Variants in TG observed in about 807,000 individuals in gnomAD.
TG encodes thyroid hormones.
In TG, 270 loss-of-function variants were observed where a neutral mutation model predicts 324.7. That is an observed-to-expected ratio of 0.83 (90% CI 0.75 to 0.92). The LOEUF (loss-of-function observed/expected upper bound fraction) is 0.92. Among genes scored for constraint, TG ranks in the 40% least tolerant of loss-of-function variants. The probability of loss-of-function intolerance (pLI) is 0.00; values close to 1 mark genes in which losing one functional copy is unlikely to be tolerated. For synonymous variants in TG, 1,401 were observed against 1,327.0 expected, an observed-to-expected ratio of 1.06 and a Z score of -1.21; for missense variants, 3,591 against 3,456.4, an observed-to-expected ratio of 1.04 and a Z score of -0.98.
chr8:132,921,200 T>C (rs1821061860), intron 21 of TG, among the ~76,000 whole-genome samples: 1 of 152,194 alleles, frequency 6.6e-6, no homozygotes, highest in Non-Finnish European at 1.5e-5. Context: ...GATTAGAGCT[T>C]CCATATATAA....
At chr8:133,026,823 G>A (rs1461443761) in intron 40 of TG, among the ~76,000 whole-genome samples, 2 of 152,192 alleles carry the variant, frequency 1.3e-5, no homozygotes, top group Non-Finnish European at 2.9e-5. Context: ...CTGGAGACAA[G>A]GACACACTGC....
Position 132,873,090 on chromosome 8 carries a change from T to A in TG, c.507T>A (p.Arg169=). Residue 169 remains arginine (R), a synonymous_variant, in exon 5 of 48, where the codon CGT becomes CGA. Coordinates refer to ENST00000220616, the MANE Select transcript of TG (RefSeq NM_003235.5). ...RCPRSCEIRN[R]RLLHGVGDKS... ...CAAGGAGCTGTGAAATAAGAAATCG[T>A]CGTCTTCTCCACGGGGTGGGAGATA... The A allele has an allele frequency of 3.1e-6, 5 of 1,614,210 alleles. No homozygotes were observed. Among genetic ancestry groups the A allele is most frequent in the Non-Finnish European group, 4.2e-6 (5 of 1,180,046 alleles).
chr8:132,912,398 T>C (rs1213365108), intron 19 of TG, among the ~76,000 whole-genome samples: 1 of 152,162 alleles, frequency 6.6e-6, no homozygotes, highest in Non-Finnish European at 1.5e-5. Context: ...TTGGAGACCA[T>C]GGGCTGGCTC....
At chr8:133,089,117 A>T (rs369112993) in intron 41 of TG, among the ~76,000 whole-genome samples, 2 of 152,246 alleles carry the variant, frequency 1.3e-5, no homozygotes, top group African/African-American at 4.8e-5. Flanking sequence ...TCTGGGTCAC[A>T]CACTACCCCT....
In TG at chr8:132,980,753, T is replaced by A. The variant is rs865947492; in HGVS notation, c.6200-2597T>A. Among the ~76,000 whole-genome samples, 219 of 152,058 alleles carry A rather than the reference T, an allele frequency of 1.4e-3. 3 individuals are homozygous for A. Among genetic ancestry groups the A allele is most frequent in the Middle Eastern group, 0.01 (3 of 294 alleles). On this transcript the variant is annotated intron_variant, in intron 34 of 47. Coordinates refer to ENST00000220616, the MANE Select transcript of TG (RefSeq NM_003235.5). ...TGTCTGGATTGAATTGAATCACTGG[T>A]CCAGAGGGTTGAAGAATTGGTTGGT...
chr8:133,049,904 A>G (rs779886476), intron 41 of TG: 3 of 1,599,998 alleles, frequency 1.9e-6, no homozygotes, highest in Non-Finnish European at 2.6e-6. Flanking sequence ...GTACTCACCC[A>G]TGGTAAACTC....
At chr8:132,899,216 T>A (rs933350150) in intron 14 of TG, among the ~76,000 whole-genome samples, 1 of 152,202 alleles carries the variant, frequency 6.6e-6, no homozygotes, top group Non-Finnish European at 1.5e-5. Flanking sequence ...AAACAAAACA[T>A]GCTATCATGT....
At chr8:132,986,410 G>GTA (rs149462241) in intron 35 of TG, among the ~76,000 whole-genome samples, 84,910 of 148,192 alleles carry the variant, frequency 0.57, 25,390 homozygotes, top group African/African-American at 0.72. Flanking sequence ...ATATGTATGT[G>GTA]TATATATATA....
At chr8:133,032,156 A>G (rs1468682325) in intron 41 of TG, among the ~76,000 whole-genome samples, 3 of 152,264 alleles carry the variant, frequency 2.0e-5, no homozygotes, top group Admixed American at 6.5e-5. Context: ...GGGAAGTTTC[A>G]GTTGTTGCTC....
At chr8:132,894,395 T>C (rs950291844) in intron 11 of TG, among the ~76,000 whole-genome samples, 34 of 152,032 alleles carry the variant, frequency 2.2e-4, no homozygotes, top group Middle Eastern at 7.0e-3. Flanking sequence ...ACTACCTGCA[T>C]GCGACAGAGG....
In TG at chr8:132,897,706, C is replaced by T; in HGVS notation, c.3059C>T (p.Ala1020Val). 1.2e-6 allele frequency: 2 copies of T among 1,614,222 alleles called. No homozygotes were observed. Among genetic ancestry groups the T allele is most frequent in the Non-Finnish European group, 8.5e-7 (1 of 1,180,038 alleles). ...FSPDDSAGAS[A>V]LLRSGPYMPQ... ...CCGGACGACTCGGCTGGAGCATCCGCCCTTCTGCGGTCGGGCCCCTACATG... is the reference window on the plus strand; with the variant it reads ...CCGGACGACTCGGCTGGAGCATCCGTCCTTCTGCGGTCGGGCCCCTACATG... The change falls in exon 12 of 48, where the codon GCC (alanine) becomes GTC (valine). Residue 1020 changes from alanine to valine, a missense_variant. Ala to Val is a moderately conservative substitution (Grantham distance 64). Coordinates refer to ENST00000220616, the MANE Select transcript of TG (RefSeq NM_003235.5).
At chr8:133,017,259 C>CT (rs1169038279) in intron 37 of TG, among the ~76,000 whole-genome samples, 2,616 of 136,832 alleles carry the variant, frequency 0.019, 27 homozygotes, top group African/African-American at 0.03. Flanking sequence ...TCCTAAAAGT[C>CT]TTTTTTTTTT....
At chr8:133,059,987 C>T (rs970876739) in intron 41 of TG, 1 of 1,071,410 alleles carries the variant, frequency 9.3e-7, no homozygotes, top group Non-Finnish European at 1.3e-6. Flanking sequence ...ATAATGAGCC[C>T]TTCGGTACCC....
chr8:133,034,793 G>GC (rs1386313440), intron 41 of TG, among the ~76,000 whole-genome samples: 6 of 152,200 alleles, frequency 3.9e-5, no homozygotes, highest in Middle Eastern at 3.4e-3. Flanking sequence ...TTGAGTTTGG[G>GC]CTGCCAGGGC....
intron 43 of TG, among the ~76,000 whole-genome samples, chr8:133,096,873 C>T (rs867323605): frequency 3.3e-5 from 5 of 152,238 alleles, no homozygotes; most frequent in Non-Finnish European, 5.9e-5. Flanking sequence ...GTGTGGCTTG[C>T]TGGAGGCACA....
chr8:132,868,448 C>T (rs907742531), intron 2 of TG, among the ~76,000 whole-genome samples: 1 of 151,864 alleles, frequency 6.6e-6, no homozygotes, highest in South Asian at 2.1e-4. Context: ...CAAGTGAACC[C>T]CAATCCATGC....
At chr8:132,870,427 T>C (rs1839379285) in intron 3 of TG, among the ~76,000 whole-genome samples, 2 of 148,924 alleles carry the variant, frequency 1.3e-5, no homozygotes, top group Admixed American at 1.4e-4. Flanking sequence ...TGTGTGAGCT[T>C]GGCTGAGTCA....
rs745433860 is a variant in TG, at chr8:132,908,188, C to A, written c.3850C>A (p.Pro1284Thr). 29 of 1,613,866 alleles carry A rather than the reference C, an allele frequency of 1.8e-5. No individual in the cohort carries two copies. The Admixed American group carries it at 4.3e-4, about 24-fold the overall frequency. The change falls in exon 18 of 48, where the codon CCC becomes ACC. Residue 1284 changes from proline (P) to threonine (T), a missense_variant and splice_region_variant. Coordinates refer to ENST00000220616, the MANE Select transcript of TG (RefSeq NM_003235.5). ...TGATCTCTGGTGCTTGCCTGCAGGG[C>A]CCCAGCTGTGGCAGACCATCCAGAC... ...QLPQPRACQR[P>T]QLWQTIQTQG...
At chr8:132,924,387 T>G (rs1479988908) in intron 22 of TG, among the ~76,000 whole-genome samples, 1 of 152,170 alleles carries the variant, frequency 6.6e-6, no homozygotes, top group Non-Finnish European at 1.5e-5. Flanking sequence ...GGACTTCTGT[T>G]GTAGAAGACT....
Sources: gnomAD v4.1 joint callset for allele counts (sites outside exome capture counted in the v4.1 genomes callset) on GRCh38, gnomAD v4.1.1 for gene constraint, MANE v1.5 for transcripts, NCBI Gene and HGNC (gene_info 2026-07-23, HGNC 2026-07-21) for gene names.